MYLK4: variants seen among roughly 807,000 people sequenced by gnomAD.
MYLK4 encodes the protein caMLCK like.
In MYLK4, 46 loss-of-function variants were observed where a neutral mutation model predicts 48.1. The ratio of observed to expected loss-of-function variants is 0.96; its 90% CI spans 0.75 to 1.22. MYLK4 has a LOEUF of 1.22. Among genes scored for constraint, MYLK4 ranks in the 50% most tolerant of loss-of-function variants. MYLK4 has a pLI of 0.00. For synonymous variants in MYLK4, 170 were observed against 180.8 expected (o/e 0.94, Z 0.48); for missense variants, 451 against 486.1 (o/e 0.93, Z 0.68).
At chr6:2,718,196 A>AG (rs200395542) in intron 2 of MYLK4, among the ~76,000 whole-genome samples, 53 of 148,182 alleles carry the variant, frequency 3.6e-4, no homozygotes, top group South Asian at 1.5e-3. Flanking sequence ...AAAAAAAAAA[A>AG]AAAAAGAAAA....
At chr6:2,754,796 ATAAAT>A (rs1457198773), upstream of MYLK4, among the ~76,000 whole-genome samples, 7 of 149,942 alleles carry the variant, frequency 4.7e-5, no homozygotes, top group Admixed American at 4.6e-4. Context: ...CCAGGGAAAC[ATAAAT>A]TATATTCCAC....
chr6:2,768,454 A>C, the MYLK4 span, among the ~76,000 whole-genome samples: 1 of 152,214 alleles, frequency 6.6e-6, no homozygotes, highest in Non-Finnish European at 1.5e-5. Context: ...GGGACAGAGG[A>C]GAAAAGGTCA....
chr6:2,744,910 C>T (rs1764023983), intron 2 of MYLK4, among the ~76,000 whole-genome samples: 1 of 152,188 alleles, frequency 6.6e-6, no homozygotes, highest in African/African-American at 2.4e-5. Context: ...AGGGGTCTTC[C>T]AGGCGCGGAT....
chr6:2,717,191 T>C (rs1762894756), intron 2 of MYLK4, among the ~76,000 whole-genome samples: 1 of 152,244 alleles, frequency 6.6e-6, no homozygotes, highest in Admixed American at 6.5e-5. Flanking sequence ...AGCAGCTTTG[T>C]TCGTTTTGAA....
In MYLK4 at chr6:2,682,452, ATTGGCAGTGGGGTGCCCACCC is replaced by A. The variant is rs1365872988; in HGVS notation, c.687+548_687+568del. Among the ~76,000 whole-genome samples the A allele has an allele frequency of 2.6e-5, 4 of 152,274 alleles. No homozygotes were observed. The East Asian group carries it at 7.7e-4, about 29-fold the overall frequency. ...GCTTGGCTTCTGTGTGCTTTCCACCATTGGCAGTGGGGTGCCCACCCCACCCTCTCTTCTCCTTAGCACTTT... is the reference window on the plus strand; with the variant it reads ...GCTTGGCTTCTGTGTGCTTTCCACCACACCCTCTCTTCTCCTTAGCACTTT... On this transcript the variant is annotated intron_variant, in intron 7 of 12. Coordinates refer to ENST00000274643, the MANE Select transcript of MYLK4 (RefSeq NM_001012418.5).
chr6:2,678,909 G>A lies in MYLK4; in HGVS notation c.887+371C>T, dbSNP rs557870146. Among the ~76,000 whole-genome samples, 69 of 152,110 alleles carry A rather than the reference G, an allele frequency of 4.5e-4. 1 individual carries two copies. The East Asian group carries it at 0.012, about 26-fold the overall frequency. On this transcript the variant is annotated intron_variant, in intron 9 of 12. Transcript: ENST00000274643. ...AGTAGAGATGGGGTTTCACCATGTT[G>A]GCCAGGATGGTCTCAATCTCTTGAC...
At position 2,673,980 on chromosome 6, in the gene MYLK4, A is replaced by G. The variant is rs1760993759; in HGVS notation, c.1119+1067T>C. Among the ~76,000 whole-genome samples, 1 of 152,212 alleles carries G rather than the reference A, an allele frequency of 6.6e-6. No individual in the cohort carries two copies. Among genetic ancestry groups the G allele is most frequent in the Non-Finnish European group, 1.5e-5 (1 of 68,026 alleles). On this transcript the variant is annotated intron_variant, in intron 11 of 12. Transcript: ENST00000274643. The surrounding 1 kb of genome is among the most constrained non-coding windows in gnomAD (Gnocchi z 4.2). ...GGCTGGCTGGGGCCGCTCCATGGGC[A>G]TCCTTCCCTAAGAGGATCACTGATG... is the stretch of plus-strand genomic sequence containing the variant.
At chr6:2,740,288 T>C (rs1763853941) in intron 2 of MYLK4, among the ~76,000 whole-genome samples, 1 of 152,260 alleles carries the variant, frequency 6.6e-6, no homozygotes, top group Admixed American at 6.5e-5. Context: ...CAGCCAGTAC[T>C]GTGGCAACCA....
At chr6:2,765,643 AGAC>A in the MYLK4 span, 1 of 1,542,866 alleles carries the variant, frequency 6.5e-7, no homozygotes, top group Non-Finnish European at 8.7e-7. Flanking sequence ...GCGGGCCGGA[AGAC>A]GACCCCTTCC....
intron 12 of MYLK4, among the ~76,000 whole-genome samples, chr6:2,670,515 G>A (rs757773068): frequency 3.3e-5 from 5 of 152,152 alleles, no homozygotes; most frequent in Non-Finnish European, 7.4e-5. Context: ...GCAGGGTCTA[G>A]GCCCCCGGCA....
chr6:2,715,825 T>A (rs1762846243), intron 2 of MYLK4, among the ~76,000 whole-genome samples: 1 of 152,192 alleles, frequency 6.6e-6, no homozygotes, highest in African/African-American at 2.4e-5. Flanking sequence ...CCAGAGGAGA[T>A]GAAATGTTTG....
intron 7 of MYLK4, 199 bp from the exon 8 acceptor site, chr6:2,680,490 T>C: frequency 1.0e-6 from 1 of 985,422 alleles, no homozygotes; most frequent in Non-Finnish European, 1.2e-6. Flanking sequence ...AACCCTGCAT[T>C]ATCCAGCCTG....
chr6:2,679,629 T>A, intron 8 of MYLK4: 1 of 657,040 alleles, frequency 1.5e-6, no homozygotes, highest in Non-Finnish European at 2.7e-6. Context: ...CCTTAAAAGC[T>A]GAACCAGTTG....
chr6:2,762,234 A>ACAAGTTTCCC, the MYLK4 span, among the ~76,000 whole-genome samples: 1 of 152,172 alleles, frequency 6.6e-6, no homozygotes, highest in Admixed American at 6.5e-5. Context: ...CCCATAGTAC[A>ACAAGTTTCCC]CAAGTTTCCC....
chr6:2,755,289 A>G (rs938224751), upstream of MYLK4, among the ~76,000 whole-genome samples: 66 of 152,206 alleles, frequency 4.3e-4, no homozygotes, highest in African/African-American at 1.5e-3. Context: ...AGCATAGTAC[A>G]ATGAATACCT....
At chr6:2,739,129 GT>G (rs1393242535) in intron 2 of MYLK4, among the ~76,000 whole-genome samples, 3 of 152,166 alleles carry the variant, frequency 2.0e-5, no homozygotes, top group African/African-American at 7.2e-5. Flanking sequence ...CTAAGCCTCA[GT>G]TTGCTCACCT....
intron 2 of MYLK4, among the ~76,000 whole-genome samples, chr6:2,741,292 C>T (rs2113358835): frequency 6.6e-6 from 1 of 152,190 alleles, no homozygotes; most frequent in South Asian, 2.1e-4. Context: ...AGTATGCTAA[C>T]CATTCTCTTA....
chr6:2,674,372 T>C lies in MYLK4; in HGVS notation c.1119+675A>G, dbSNP rs540334336. Among the ~76,000 whole-genome samples the C allele has an allele frequency of 3.9e-5, 6 of 152,300 alleles. No individual in the cohort carries two copies. In the East Asian group the frequency reaches 1.2e-3, roughly 29 times the overall value. On this transcript the variant is annotated intron_variant, in intron 11 of 12. Coordinates refer to ENST00000274643, the MANE Select transcript of MYLK4 (RefSeq NM_001012418.5). ...GAATTTAGAATTCTGAATTCTGTTT[T>C]AAGGAGGCATATTTCTCCTGAATGA... is the stretch of plus-strand genomic sequence containing the variant.
rs1009154600 is a variant in MYLK4 at position 2,696,606 on chromosome 6, A to G, written c.160-3747T>C. On this transcript the variant is annotated intron_variant, in intron 2 of 12. Coordinates refer to ENST00000274643, the MANE Select transcript of MYLK4 (RefSeq NM_001012418.5). ...CAGCCCCCAGAACTGTGAGAAATAA[A>G]TGTTTGTTGTTTAAACCACCCAGTC... is the stretch of plus-strand genomic sequence containing the variant. 2.1e-4 allele frequency among the ~76,000 whole-genome samples: 32 copies of G among 152,238 alleles called. 1 individual carries two copies. The highest frequency in any genetic ancestry group is 7.2e-4 in the African/African-American group (30 of 41,460).
Sources: allele counts gnomAD v4.1 joint callset (sites outside exome capture counted in the v4.1 genomes callset), GRCh38; gene constraint gnomAD v4.1.1; non-coding constraint Gnocchi (gnomAD v3.1); transcripts MANE v1.5; gene names NCBI Gene and HGNC (gene_info 2026-07-23, HGNC 2026-07-21).